DGKZ: variants seen among roughly 807,000 people sequenced by gnomAD.
The protein encoded by DGKZ is DAG kinase zeta.
DGKZ carries 45 observed loss-of-function variants against 142.5 expected under a neutral mutation model. The observed-to-expected ratio is 0.32, with a 90% CI of 0.25 to 0.40. The LOEUF (loss-of-function observed/expected upper bound fraction) is 0.40. Among genes scored for constraint, DGKZ ranks in the 10% least tolerant of loss-of-function variants. The pLI, the probability that DGKZ is intolerant of heterozygous loss-of-function variation, is 1.00. For missense variants in DGKZ, 755 were observed against 1,306.5 expected (o/e 0.58, Z 6.51); for synonymous variants, 442 against 527.0 (o/e 0.84, Z 2.21).
chr11:46,370,157 C>A (rs921402188), intron 6 of DGKZ, 148 bp downstream of exon 6: 5 of 924,308 alleles, frequency 5.4e-6, no homozygotes, highest in African/African-American at 1.6e-5. Flanking sequence ...GCCTTCAGTT[C>A]TCAAGCACCC....
At chr11:46,380,015 C>T in exon 31 of DGKZ, 4 of 1,437,870 alleles carry the variant, frequency 2.8e-6, no homozygotes, top group South Asian at 1.3e-5. Context: ...GCCCACCTCA[C>T]TGCCACATTC....
chr11:46,366,690 C>G (rs1210105659), intron 1 of DGKZ: 2 of 1,569,706 alleles, frequency 1.3e-6, no homozygotes, highest in African/African-American at 1.4e-5. Context: ...GGGCCACCCC[C>G]ACCTCGGGGC....
In DGKZ at chr11:46,372,584, C is replaced by T. The variant is rs1565066153; in HGVS notation, c.1011-33C>T. On this transcript the variant is annotated intron_variant, in intron 11 of 30. Transcript: ENST00000527911. This position sits in a 1 kb window ranked among gnomAD's most constrained non-coding sequence, Gnocchi z 5.9. The stretch of plus-strand genomic sequence containing the variant: ...CACTCCTGGGGTACAGCACACATCC[C>T]CTGACCCCACTGCCATCTTCCCATG... The T allele has an allele frequency of 1.9e-5, 31 of 1,613,876 alleles. No individual in the cohort carries two copies. The highest frequency in any genetic ancestry group is 2.6e-5 in the Non-Finnish European group (31 of 1,179,984).
rs748200605 is a variant in DGKZ at position 46,367,306 on chromosome 11, G to C, written c.177G>C (p.Lys59Asn). The C allele has an allele frequency of 6.2e-7, 1 of 1,612,132 alleles. No individual in the cohort carries two copies. Among genetic ancestry groups the C allele is most frequent in the Non-Finnish European group, 8.5e-7 (1 of 1,179,946 alleles). The stretch of plus-strand genomic sequence containing the variant: ...TCCTCTCTAGGAAAGCCATCACCAA[G>C]TCGGGCCTCCAGCACCTGGCCCCCC... Residue 59 changes from lysine (K) to asparagine (N), a missense_variant, in exon 2 of 31, where the codon AAG becomes AAC. Transcript: ENST00000527911. The surrounding 1 kb of genome is among the most constrained non-coding windows in gnomAD (Gnocchi z 4.1).
chr11:46,379,546 C>T (rs746698494), exon 30 of DGKZ: 6 of 1,610,426 alleles, frequency 3.7e-6, no homozygotes, highest in Admixed American at 1.7e-5. Context: ...GCCGGGGCCT[C>T]GCTCATGAAG....
At chr11:46,371,290 C>T in intron 6 of DGKZ, 23 bp from the exon 7 acceptor site, 2 of 1,611,742 alleles carry the variant, frequency 1.2e-6, no homozygotes, top group Non-Finnish European at 8.5e-7. Flanking sequence ...GCCCTGGTTC[C>T]CATCCATCCT....
chr11:46,371,852 C>T, intron 9 of DGKZ, 77 bp downstream of exon 9: 1 of 1,511,726 alleles, frequency 6.6e-7, no homozygotes, highest in Non-Finnish European at 9.0e-7. Flanking sequence ...AACTTCCACC[C>T]CCAGCTAATG....
upstream of DGKZ, among the ~76,000 whole-genome samples, chr11:46,346,785 C>A (rs1940666608): frequency 6.6e-6 from 1 of 152,008 alleles, no homozygotes; most frequent in South Asian, 2.1e-4. Flanking sequence ...AATACTATGT[C>A]AGGAAAATGC....
intron 6 of DGKZ, among the ~76,000 whole-genome samples, chr11:46,370,834 A>C (rs1391879132): frequency 6.6e-6 from 1 of 152,168 alleles, no homozygotes; most frequent in Non-Finnish European, 1.5e-5. Flanking sequence ...CTGTAATCCC[A>C]GCACTTTGGG....
chr11:46,379,724 C>A, intron 30 of DGKZ, 107 bp from the exon 31 acceptor site: 1 of 1,300,464 alleles, frequency 7.7e-7, no homozygotes, highest in Admixed American at 2.6e-5. Context: ...GGCAGAGAGG[C>A]CTCCCTCCCT....
intron 1 of DGKZ, among the ~76,000 whole-genome samples, chr11:46,337,396 A>T (rs909148690): frequency 2.0e-5 from 3 of 149,642 alleles, no homozygotes; most frequent in Non-Finnish European, 4.4e-5. Flanking sequence ...CCCGGGTTCA[A>T]GCAATTCTCC....
chr11:46,341,405 A>G lies in DGKZ; in HGVS notation c.212+7918A>G, dbSNP rs143612498. Among the ~76,000 whole-genome samples the G allele has an allele frequency of 8.8e-4, 134 of 152,340 alleles. 1 individual carries two copies. Among genetic ancestry groups the G allele is most frequent in the African/African-American group, 3.0e-3 (124 of 41,584 alleles). ...GGGAACAAAAGTGAGCATCATAGGT[A>G]AGGGATCAGCAGGTGGGGTGGAATG... On this transcript the variant is annotated intron_variant, in intron 1 of 30. Coordinates refer to the DGKZ transcript ENST00000343674.
Position 46,350,262 on chromosome 11 carries a change from GGGGT to G in DGKZ, c.161+2448_161+2451del, listed in dbSNP as rs558699571. 1.5e-4 allele frequency among the ~76,000 whole-genome samples: 23 copies of G among 152,322 alleles called. No homozygotes were observed. In the South Asian group the frequency reaches 4.1e-3, roughly 27 times the overall value. Reference sequence around the variant, plus strand: ...CTTCCCTTTGACTTGATGGGGCCAAGGGGTGGGTGCTGGGGGCAGACATGTGGAA... The same window carrying G: ...CTTCCCTTTGACTTGATGGGGCCAAGGGGTGCTGGGGGCAGACATGTGGAA... On this transcript the variant is annotated intron_variant, in intron 1 of 30. Transcript: ENST00000527911.
chr11:46,359,225 G>A (rs1180856844), intron 1 of DGKZ, among the ~76,000 whole-genome samples: 1 of 151,514 alleles, frequency 6.6e-6, no homozygotes, highest in East Asian at 1.9e-4. Context: ...GGCGGATCAC[G>A]AGGTCAGGAG....
intron 1 of DGKZ, among the ~76,000 whole-genome samples, chr11:46,350,496 G>A (rs1044601601): frequency 7.9e-5 from 9 of 114,074 alleles, no homozygotes; most frequent in African/African-American, 2.3e-4. Context: ...CCCCCATCCC[G>A]CCCCCTCCCC....
chr11:46,351,619 C>CT (rs1165380140), intron 1 of DGKZ, among the ~76,000 whole-genome samples: 1 of 152,190 alleles, frequency 6.6e-6, no homozygotes, highest in Non-Finnish European at 1.5e-5. Flanking sequence ...AAGGAAACCT[C>CT]TTTGAGTGGT....
At chr11:46,375,246 G>A (rs999888076) in intron 19 of DGKZ, among the ~76,000 whole-genome samples, 186 bp from the exon 20 acceptor site, 1 of 152,124 alleles carries the variant, frequency 6.6e-6, no homozygotes, top group South Asian at 2.1e-4. Context: ...TGACTGGAGC[G>A]TCACCCTCAT....
At chr11:46,364,754 C>T (rs534644393) in intron 1 of DGKZ, 2 of 985,460 alleles carry the variant, frequency 2.0e-6, no homozygotes, top group East Asian at 1.1e-4. Context: ...TCATCTTTGC[C>T]TTCATCCTTC....
intron 1 of DGKZ, chr11:46,366,955 C>A: frequency 6.5e-7 from 1 of 1,536,948 alleles, no homozygotes; most frequent in Non-Finnish European, 8.7e-7. Context: ...GCAAGGCGGC[C>A]GGACCCCAGG....
Sources: allele counts gnomAD v4.1 joint callset (sites outside exome capture counted in the v4.1 genomes callset), GRCh38; gene constraint gnomAD v4.1.1; non-coding constraint Gnocchi (gnomAD v3.1); transcripts MANE v1.5; gene names NCBI Gene and HGNC (gene_info 2026-07-23, HGNC 2026-07-21).